AGGF1: variants seen among roughly 807,000 people sequenced by gnomAD.
The protein encoded by AGGF1 is angiogenic factor with G patch and FHA domains 1.
A neutral mutation model predicts 86.5 loss-of-function variants in AGGF1; 56 were observed. That is an observed-to-expected ratio of 0.65 (90% CI 0.52 to 0.81). The LOEUF (loss-of-function observed/expected upper bound fraction) is 0.81. Among genes scored for constraint, AGGF1 ranks in the 30% least tolerant of loss-of-function variants. AGGF1 has a pLI of 0.00. For synonymous variants in AGGF1, 313 were observed against 297.1 expected (o/e 1.05, Z -0.55); for missense variants, 816 against 850.9 (o/e 0.96, Z 0.51).
intron 11 of AGGF1, among the ~76,000 whole-genome samples, chr5:77,056,015 G>T (rs1218557283): frequency 6.6e-6 from 1 of 152,098 alleles, no homozygotes; most frequent in African/African-American, 2.4e-5. Flanking sequence ...TCTACAAAAT[G>T]ATGCCATTGA....
At position 77,046,557 on chromosome 5, in the gene AGGF1, A is replaced by G; in HGVS notation, c.1081A>G (p.Ile361Val). 1.2e-6 allele frequency: 2 copies of G among 1,613,870 alleles called. No homozygotes were observed. Among genetic ancestry groups the G allele is most frequent in the South Asian group, 1.1e-5 (1 of 91,054 alleles). The change falls in exon 6 of 14, where the codon ATC becomes GTC. Residue 361 changes from isoleucine to valine, a missense_variant. This residue lies in a region of AGGF1 where 565 missense variants were observed against 585.8 expected (regional missense o/e 0.96). Transcript: ENST00000312916. The stretch of plus-strand genomic sequence containing the variant: ...TTCAACATCATTTAAAGATGAGAAA[A>G]TCATGGAGACTGATAGTGAACCAGA... ...SNSTSFKDEK[I>V]METDSEPEEG... is the part of the protein sequence containing the mutation.
chr5:77,052,715 G>A lies in AGGF1; in HGVS notation c.1375G>A (p.Glu459Lys). 6.2e-7 allele frequency: 1 copy of A among 1,612,698 alleles called. No homozygotes were observed. Among genetic ancestry groups the A allele is most frequent in the Non-Finnish European group, 8.5e-7 (1 of 1,179,170 alleles). ...GATTTCACTTTCTAAGTTTCATGCA[G>A]AAATTTATTTTGACCATGACTTACA... is the stretch of plus-strand genomic sequence containing the variant. Reference protein sequence around the residue: ...PEVGVSKFHAEIYFDHDLQSY... With the variant: ...PEVGVSKFHAKIYFDHDLQSY... Residue 459 changes from glutamate to lysine, a missense_variant, in exon 9 of 14, where the codon GAA becomes AAA. Glu to Lys is a moderately conservative substitution (Grantham distance 56). This residue lies in a region of AGGF1 where 565 missense variants were observed against 585.8 expected (regional missense o/e 0.96). Coordinates refer to ENST00000312916, the MANE Select transcript of AGGF1 (RefSeq NM_018046.5).
At position 77,046,659 on chromosome 5, in the gene AGGF1, G is replaced by T; in HGVS notation, c.1183G>T (p.Glu395Ter). Reference protein sequence around the residue: ...AITSEGNVTAEDSEDEDEDKI... With the variant: ...AITSEGNVTA ...TACCAGTGAAGGCAATGTAACTGCA[G>T]AAGATAGTGAGGATGAAGGTGAGTA... The change falls in exon 6 of 14, where the codon GAA becomes TAA. Residue 395 changes from glutamate to a stop codon, truncating the protein, a stop_gained. Coordinates refer to ENST00000312916, the MANE Select transcript of AGGF1 (RefSeq NM_018046.5). LOFTEE classifies it high-confidence loss of function. The T allele has an allele frequency of 1.2e-6, 2 of 1,613,958 alleles. No homozygotes were observed. Among genetic ancestry groups the T allele is most frequent in the Non-Finnish European group, 1.7e-6 (2 of 1,179,910 alleles).
chr5:77,049,222 C>G (rs938078465), intron 8 of AGGF1, among the ~76,000 whole-genome samples: 2 of 152,084 alleles, frequency 1.3e-5, no homozygotes, highest in African/African-American at 2.4e-5. Context: ...GAGTAGAAAG[C>G]ATATGAAGTC....
rs375891915 is a variant in AGGF1 at position 77,046,454 on chromosome 5, C to T, written c.978C>T (p.His326=). Residue 326 remains histidine (H), a synonymous_variant, in exon 6 of 14, where the codon CAC becomes CAT. Transcript: ENST00000312916. ...MKKKAKIGIH[H]KNSPPKVTVP... is the part of the protein sequence containing the mutation. ...AGAAGGCCAAAATAGGCATTCATCA[C>T]AAAAATAGTCCCCCCAAAGTCACTG... 4 of 1,613,858 alleles carry T rather than the reference C, an allele frequency of 2.5e-6. No individual in the cohort carries two copies. The African/African-American group carries it at 4.0e-5, about 16-fold the overall frequency.
intron 5 of AGGF1, among the ~76,000 whole-genome samples, chr5:77,040,303 G>A (rs1162568558): frequency 2.0e-5 from 3 of 151,716 alleles, no homozygotes; most frequent in East Asian, 1.9e-4. Context: ...TAGAGACGGG[G>A]CTTCTCCATG....
chr5:77,061,923 T>C, intron 13 of AGGF1, 121 bp downstream of exon 13: 1 of 887,914 alleles, frequency 1.1e-6, no homozygotes, highest in African/African-American at 1.7e-5. Flanking sequence ...GAGACATGAT[T>C]ACTGCCTTTG....
intron 11 of AGGF1, among the ~76,000 whole-genome samples, chr5:77,057,137 A>G (rs1747475748): frequency 6.6e-6 from 1 of 152,256 alleles, no homozygotes; most frequent in African/African-American, 2.4e-5. Flanking sequence ...TGGAGGAACT[A>G]GAAATCTCAT....
At chr5:77,053,855 G>A in intron 9 of AGGF1, 110 bp from the exon 10 acceptor site, 9 of 1,101,088 alleles carry the variant, frequency 8.2e-6, no homozygotes, top group Non-Finnish European at 2.7e-6. Context: ...TTCATTTATA[G>A]CTATTTTAAA....
In AGGF1 at chr5:77,036,536, C is replaced by T; in HGVS notation, c.517-20C>T. 1 of 1,613,594 alleles carries T rather than the reference C, an allele frequency of 6.2e-7. No homozygotes were observed. Among genetic ancestry groups the T allele is most frequent in the Non-Finnish European group, 8.5e-7 (1 of 1,179,656 alleles). On this transcript the variant is annotated intron_variant, in intron 3 of 13. Coordinates refer to ENST00000312916, the MANE Select transcript of AGGF1 (RefSeq NM_018046.5). ...ATACAGAAGCTTTTGTCTTATTTGG[C>T]ATGACTATATCTTTTATAGGAGCCA...
In AGGF1 at chr5:77,039,580, A is replaced by G; in HGVS notation, c.731A>G (p.Asp244Gly). ...DPSTGIYYYC[D>G]VESGRYQFHS... is the part of the protein sequence containing the mutation. ...TCCACTGGAATTTATTACTATTGTGATGTGGAAAGTGGTCGTTATCAGTTT... is the reference window on the plus strand; with the variant it reads ...TCCACTGGAATTTATTACTATTGTGGTGTGGAAAGTGGTCGTTATCAGTTT... Residue 244 changes from aspartate (D) to glycine (G), a missense_variant, in exon 5 of 14, where the codon GAT becomes GGT. Coordinates refer to ENST00000312916, the MANE Select transcript of AGGF1 (RefSeq NM_018046.5). The G allele has an allele frequency of 6.2e-7, 1 of 1,612,956 alleles. No homozygotes were observed. Among genetic ancestry groups the G allele is most frequent in the Non-Finnish European group, 8.5e-7 (1 of 1,179,494 alleles).
At chr5:77,051,843 C>A (rs1175192174) in intron 8 of AGGF1, among the ~76,000 whole-genome samples, 4 of 152,092 alleles carry the variant, frequency 2.6e-5, no homozygotes, top group African/African-American at 9.7e-5. Flanking sequence ...GTGGTATATC[C>A]ACACAATGGA....
At chr5:77,061,830 T>G (rs369907282) in intron 13 of AGGF1, 28 bp downstream of exon 13, 2 of 1,584,890 alleles carry the variant, frequency 1.3e-6, no homozygotes, top group African/African-American at 2.7e-5. Context: ...TTTTATTCAT[T>G]TATTCCTAGA....
intron 5 of AGGF1, among the ~76,000 whole-genome samples, chr5:77,039,955 C>T (rs1031431871): frequency 2.6e-5 from 4 of 151,756 alleles, no homozygotes; most frequent in South Asian, 2.1e-4. Context: ...TAAAATATCT[C>T]GTATATAGTT....
chr5:77,033,321 ATATTT>A (rs1231631737), intron 1 of AGGF1, among the ~76,000 whole-genome samples: 1 of 152,170 alleles, frequency 6.6e-6, no homozygotes, highest in Non-Finnish European at 1.5e-5. Flanking sequence ...GTCTTGTCTG[ATATTT>A]TATGTGTAAA....
At chr5:77,033,741 C>T (rs1440144301) in intron 1 of AGGF1, among the ~76,000 whole-genome samples, 1 of 152,190 alleles carries the variant, frequency 6.6e-6, no homozygotes, top group South Asian at 2.1e-4. Context: ...GACATTGTCT[C>T]ACATTGAGGT....
rs1747027123 is a variant in AGGF1, at chr5:77,039,536, T to G, written c.687T>G (p.Asn229Lys). 6.3e-7 allele frequency: 1 copy of G among 1,595,934 alleles called. No homozygotes were observed. Among genetic ancestry groups the G allele is most frequent in the Non-Finnish European group, 8.6e-7 (1 of 1,168,980 alleles). ...HSTGFYYDSE[N>K]QLYYDPSTGI... Reference sequence around the variant, plus strand: ...TTTTTTCTTGACTTTCAAAGGAAAATCAACTCTATTATGATCCTTCCACTG... The same window carrying G: ...TTTTTTCTTGACTTTCAAAGGAAAAGCAACTCTATTATGATCCTTCCACTG... The change falls in exon 5 of 14, where the codon AAT becomes AAG. Residue 229 changes from asparagine to lysine, a missense_variant. Physicochemically the swap from Asn to Lys is moderately conservative, Grantham distance 94 (BLOSUM62 0). Transcript: ENST00000312916.
At chr5:77,059,390 C>G (rs1046586136) in intron 11 of AGGF1, among the ~76,000 whole-genome samples, 1 of 152,090 alleles carries the variant, frequency 6.6e-6, no homozygotes, top group Non-Finnish European at 1.5e-5. Flanking sequence ...CTGTATTGCT[C>G]ACACTGGTCT....
chr5:77,055,868 AGTT>A (rs1323954849), intron 11 of AGGF1, among the ~76,000 whole-genome samples: 3 of 152,144 alleles, frequency 2.0e-5, no homozygotes, highest in African/African-American at 4.8e-5. Context: ...TAGTGTCTGT[AGTT>A]TGTAGTCCCT....
Sources: allele counts gnomAD v4.1 joint callset (sites outside exome capture counted in the v4.1 genomes callset), GRCh38; gene constraint gnomAD v4.1.1; regional missense constraint gnomAD v4.1.1; transcripts MANE v1.5; gene names NCBI Gene and HGNC (gene_info 2026-07-23, HGNC 2026-07-21).